The following GSAP variants were observed in gnomAD, a reference collection of about 807,000 sequenced individuals.
GSAP encodes gamma-secretase activating protein, also known as gamma-secretase-activating protein.
GSAP carries 118 observed loss-of-function variants against 131.7 expected under a neutral mutation model. That is an observed-to-expected ratio of 0.90 (90% CI 0.77 to 1.04). GSAP has a LOEUF of 1.04. GSAP is among the 50% of genes least tolerant of loss of function. GSAP has a pLI of 0.00. For synonymous variants in GSAP, 381 were observed against 363.4 expected (o/e 1.05, Z -0.55); for missense variants, 1,019 against 1,013.2 (o/e 1.01, Z -0.08).
chr7:77,406,092 G>T lies in GSAP; in HGVS notation c.123C>A (p.Asn41Lys). The change falls in exon 2 of 31, where the codon AAC (asparagine) becomes AAA (lysine). Residue 41 changes from asparagine to lysine, a missense_variant. Coordinates refer to ENST00000257626, the MANE Select transcript of GSAP (RefSeq NM_017439.4). ...AGSGGADVLE[N>K]DYESLHVLNV... ...TTAATACATGTAAGCTCTCATAATC[G>T]TTTTCTAAAACATCTGAAATGATAA... The T allele has an allele frequency of 8.1e-7, 1 of 1,234,428 alleles. No homozygotes were observed. The highest frequency in any genetic ancestry group is 1.1e-6 in the Non-Finnish European group (1 of 938,288). The allele number at this position is 1,234,428 out of a possible 1,614,324, so 76.5% of individuals were successfully genotyped here.
rs1374378927 is a variant in GSAP at position 77,320,819 on chromosome 7, G to A, written c.1995C>T (p.Phe665=). ...KHNLHSWVLH[F]NSRGSAAEFA... The stretch of plus-strand genomic sequence containing the variant: ...ATTCAGCAGCACTGCCACGACTATT[G>A]CTGGGTAAAAAAAACAAAGCAGCAT... The change falls in exon 26 of 31, where the codon TTC becomes TTT. Residue 665 remains phenylalanine, a splice_region_variant and synonymous_variant. Transcript: ENST00000257626. The A allele has an allele frequency of 1.3e-6, 2 of 1,595,626 alleles. No individual in the cohort carries two copies. Among genetic ancestry groups the A allele is most frequent in the East Asian group, 2.2e-5 (1 of 44,766 alleles).
chr7:77,416,418 C>T (rs1453086153), upstream of GSAP: 3 of 564,104 alleles, frequency 5.3e-6, no homozygotes, highest in Non-Finnish European at 8.9e-6. Context: ...GCTCCCGCCC[C>T]CTCTTTCCTC....
At chr7:77,398,325 T>C (rs1800771566) in intron 3 of GSAP, among the ~76,000 whole-genome samples, 1 of 152,208 alleles carries the variant, frequency 6.6e-6, no homozygotes, top group Non-Finnish European at 1.5e-5. Context: ...AACAATTGAT[T>C]ACAGAAAGTG....
At chr7:77,374,499 C>G (rs1796565839) in intron 11 of GSAP, among the ~76,000 whole-genome samples, 2 of 152,046 alleles carry the variant, frequency 1.3e-5, no homozygotes, top group Non-Finnish European at 2.9e-5. Context: ...TCAGGATTAT[C>G]ATTACTCTAA....
At chr7:77,372,658 A>G (rs1299766910) in intron 12 of GSAP, among the ~76,000 whole-genome samples, 1 of 152,258 alleles carries the variant, frequency 6.6e-6, no homozygotes, top group Admixed American at 6.5e-5. Context: ...ATATGATTGT[A>G]TAAGTAAAAG....
At chr7:77,334,286 A>G (rs1216442327) in intron 19 of GSAP, among the ~76,000 whole-genome samples, 1 of 152,156 alleles carries the variant, frequency 6.6e-6, no homozygotes, top group Non-Finnish European at 1.5e-5. Flanking sequence ...ACACAGATGG[A>G]GCTGGGAGCC....
chr7:77,395,713 A>T (rs940776921), intron 5 of GSAP, among the ~76,000 whole-genome samples: 2 of 152,168 alleles, frequency 1.3e-5, no homozygotes, highest in South Asian at 2.1e-4. Flanking sequence ...GCTCTGGGGA[A>T]ATGTGTGTCA....
At chr7:77,356,966 C>T (rs933804676) in intron 14 of GSAP, among the ~76,000 whole-genome samples, 1 of 152,176 alleles carries the variant, frequency 6.6e-6, no homozygotes, top group African/African-American at 2.4e-5. Context: ...TGGTTGCAAT[C>T]ATCTTATTAT....
Position 77,321,382 on chromosome 7 carries a change from C to T in GSAP, c.1945G>A (p.Val649Ile), listed in dbSNP as rs17151692. The T allele has an allele frequency of 0.086, 137,833 of 1,603,268 alleles. 6,507 individuals are homozygous for T. Among genetic ancestry groups the T allele is most frequent in the African/African-American group, 0.15 (11,238 of 74,668 alleles). ...SKLLDLICHI[V>I]ETNWRKHNLH... ...TTATGTTTCCTCCAATTGGTTTCTA[C>T]GATGTGGCAAATGAGATCCAGCTGG... Residue 649 changes from valine (V) to isoleucine (I), a missense_variant, in exon 25 of 31, where the codon GTA (valine) becomes ATA (isoleucine). Val to Ile is a conservative substitution (Grantham distance 29, BLOSUM62 3). Coordinates refer to ENST00000257626, the MANE Select transcript of GSAP (RefSeq NM_017439.4).
At chr7:77,315,904 C>T (rs549807002) in intron 26 of GSAP, 1 of 152,314 alleles carries the variant, frequency 6.6e-6, no homozygotes, top group South Asian at 2.1e-4. Context: ...CTGCTGCTCC[C>T]ATACACCTTG....
At chr7:77,404,808 G>A (rs1043062952) in intron 2 of GSAP, among the ~76,000 whole-genome samples, 193 bp from the exon 3 acceptor site, 1 of 152,216 alleles carries the variant, frequency 6.6e-6, no homozygotes, top group Non-Finnish European at 1.5e-5. Context: ...TGGATCAACA[G>A]TGTAGAGCTC....
At chr7:77,387,205 T>C (rs1798702292) in intron 6 of GSAP, among the ~76,000 whole-genome samples, 155 bp downstream of exon 6, 1 of 152,250 alleles carries the variant, frequency 6.6e-6, no homozygotes, top group Non-Finnish European at 1.5e-5. Flanking sequence ...TTTCCATGCT[T>C]GCAAACAAAG....
chr7:77,387,543 A>G (rs1422076794), intron 5 of GSAP, 95 bp from the exon 6 acceptor site: 1 of 703,064 alleles, frequency 1.4e-6, no homozygotes, highest in Non-Finnish European at 2.6e-6. Flanking sequence ...GGTAAATCCT[A>G]CTACAGTGAC....
In GSAP at chr7:77,355,787, G is replaced by GTTTTTTT. The variant is rs11353263; in HGVS notation, c.1028-147_1028-141dup. ...GTAATAAGCTATCTAATGACAGCCC[G>GTTTTTTT]TTTTTTTTTTTTTTTTTTTAAGACA... is the stretch of plus-strand genomic sequence containing the variant. On this transcript the variant is annotated intron_variant, in intron 14 of 30. Transcript: ENST00000257626. The GTTTTTTT allele has an allele frequency of 9.8e-3, 2,884 of 293,726 alleles. 35 individuals carry two copies. The highest frequency in any genetic ancestry group is 0.03 in the South Asian group (887 of 30,038). The allele number at this position is 293,726 out of a possible 1,614,324, so 18.2% of individuals were successfully genotyped here.
chr7:77,326,929 TTTC>T (rs1169233035), intron 22 of GSAP: 1 of 152,220 alleles, frequency 6.6e-6, no homozygotes, highest in African/African-American at 2.4e-5. Flanking sequence ...ATTCCATTCT[TTTC>T]TTCTTAAATA....
intron 11 of GSAP, 70 bp downstream of exon 11, chr7:77,374,988 G>C (rs950735514): frequency 5.4e-6 from 4 of 745,338 alleles, no homozygotes; most frequent in Non-Finnish European, 9.3e-6. Flanking sequence ...ATAATATAAT[G>C]TACGAATAAA....
At chr7:77,313,452 A>T (rs1478183007) in intron 28 of GSAP, 36 bp downstream of exon 28, 1 of 1,155,106 alleles carries the variant, frequency 8.7e-7, no homozygotes. Context: ...GTAATGCCAA[A>T]GCTTAGGGAG....
chr7:77,391,607 T>C (rs1460527515), intron 5 of GSAP, among the ~76,000 whole-genome samples: 3 of 152,152 alleles, frequency 2.0e-5, no homozygotes, highest in African/African-American at 7.2e-5. Flanking sequence ...GAAGATCATT[T>C]GAGGCCAGGA....
In GSAP at chr7:77,353,678, A is replaced by C. The variant is rs567959509; in HGVS notation, c.1339-37T>G. 8 of 1,304,092 alleles carry C rather than the reference A, an allele frequency of 6.1e-6. No homozygotes were observed. The East Asian group carries it at 1.6e-4, about 26-fold the overall frequency. The allele number at this position is 1,304,092 out of a possible 1,614,324, so 80.8% of individuals were successfully genotyped here. A position where few individuals can be genotyped will look rare whatever the true frequency, so the allele number is the denominator to read the frequency against. On this transcript the variant is annotated intron_variant, in intron 16 of 30. Transcript: ENST00000257626. ...CAGACAGAACTCTGTTGGTATTTAA[A>C]TCTGCTCTCTGCCTCCACTACCAAA...
Sources: allele counts gnomAD v4.1 joint callset (sites outside exome capture counted in the v4.1 genomes callset), GRCh38; gene constraint gnomAD v4.1.1; transcripts MANE v1.5; gene names NCBI Gene and HGNC (gene_info 2026-07-23, HGNC 2026-07-21).